Variants in ELAVL2 observed in about 807,000 individuals in gnomAD.
ELAVL2 encodes ELAV like RNA binding protein 2, also known as ELAV-like protein 2.
A neutral mutation model predicts 34.6 loss-of-function variants in ELAVL2; 4 were observed. That is an observed-to-expected ratio of 0.12 (90% confidence interval 0.06 to 0.26). The LOEUF (loss-of-function observed/expected upper bound fraction) is 0.26, where lower values mean the gene tolerates loss of function less well. ELAVL2 is among the 10% of genes least tolerant of loss of function. ELAVL2 has a pLI of 1.00. For missense variants in ELAVL2, 432 were observed against 442.8 expected (o/e 0.98, Z 0.22); for synonymous variants, 193 against 154.8 (o/e 1.25, Z -1.83).
At chr9:23,780,625 A>G (rs2058933437) in intron 1 of ELAVL2, among the ~76,000 whole-genome samples, 1 of 152,168 alleles carries the variant, frequency 6.6e-6, no homozygotes, top group African/African-American at 2.4e-5. Context: ...GTCAAGGTTA[A>G]AGAAATAAGA....
chr9:23,837,991 A>G, the ELAVL2 span, among the ~76,000 whole-genome samples: 1 of 152,164 alleles, frequency 6.6e-6, no homozygotes, highest in Admixed American at 6.6e-5. Flanking sequence ...ATTGTTTTGC[A>G]GTTTAATTAT....
Position 23,796,149 on chromosome 9 carries a change from G to A in ELAVL2, c.-16+29657C>T, listed in dbSNP as rs946569828. Among the ~76,000 whole-genome samples the A allele has an allele frequency of 4.6e-5, 7 of 152,224 alleles. No homozygotes were observed. The South Asian group carries it at 1.5e-3, about 32-fold the overall frequency. ...AAAAGACAAATGATGAACTTTCTAG[G>A]TCCTACTATAAAACACTAGAGTTAG... On this transcript the variant is annotated intron_variant, in intron 1 of 6. Transcript: ENST00000397312.
At chr9:23,816,001 G>A (rs1048904816) in intron 1 of ELAVL2, among the ~76,000 whole-genome samples, 2 of 152,092 alleles carry the variant, frequency 1.3e-5, no homozygotes, top group African/African-American at 4.8e-5. Context: ...GTTCTCACTA[G>A]TATAAGAAGA....
At chr9:23,823,740 T>G (rs1185328951) in intron 1 of ELAVL2, among the ~76,000 whole-genome samples, 1 of 152,200 alleles carries the variant, frequency 6.6e-6, no homozygotes, top group Non-Finnish European at 1.5e-5. Flanking sequence ...TTCCTACCCT[T>G]CTGTTCCCCA....
intron 1 of ELAVL2, among the ~76,000 whole-genome samples, chr9:23,812,816 T>C (rs2063187420): frequency 6.6e-6 from 1 of 150,874 alleles, no homozygotes; most frequent in Admixed American, 6.6e-5. Flanking sequence ...AACATTAAGC[T>C]ATTATTCTGA....
chr9:23,806,365 G>A (rs1190141997), intron 1 of ELAVL2, among the ~76,000 whole-genome samples: 2 of 152,092 alleles, frequency 1.3e-5, no homozygotes, highest in Admixed American at 6.6e-5. Flanking sequence ...GCCAGGTGAG[G>A]TGGCTCAGGT....
rs559281491 is a variant in ELAVL2, at chr9:23,780,837, T to C, written c.-15-18588A>G. ...AAAAAGGGCAAGTCACAACACTATG[T>C]AGCATTCAGGAAATTTGGAGCAAAT... On this transcript the variant is annotated intron_variant, in intron 1 of 6. Coordinates refer to ENST00000397312, the MANE Select transcript of ELAVL2 (RefSeq NM_004432.5). Among the ~76,000 whole-genome samples the C allele has an allele frequency of 3.3e-5, 5 of 152,318 alleles. No homozygotes were observed. In the East Asian group the frequency reaches 7.7e-4, roughly 24 times the overall value.
At chr9:23,749,022 T>C (rs187123361) in intron 2 of ELAVL2, among the ~76,000 whole-genome samples, 34 of 152,200 alleles carry the variant, frequency 2.2e-4, no homozygotes, top group Admixed American at 4.6e-4. Context: ...ACAGAGTTTC[T>C]ATCTGGGATG....
chr9:23,841,899 T>C, the ELAVL2 span, among the ~76,000 whole-genome samples: 1 of 152,186 alleles, frequency 6.6e-6, no homozygotes, highest in African/African-American at 2.4e-5. Flanking sequence ...CAGGAACATA[T>C]TTCCTTTTTT....
the ELAVL2 span, among the ~76,000 whole-genome samples, chr9:23,836,757 T>C: frequency 6.6e-6 from 1 of 152,178 alleles, no homozygotes; most frequent in South Asian, 2.1e-4. Context: ...TACCAGCCTG[T>C]CTATAATAGA....
chr9:23,838,747 T>A, the ELAVL2 span, among the ~76,000 whole-genome samples: 12 of 152,156 alleles, frequency 7.9e-5, no homozygotes, highest in Non-Finnish European at 1.2e-4. Context: ...ATAAAATGAA[T>A]CTTCATTCCC....
At chr9:23,786,781 C>CAAAAAA (rs57292061) in intron 1 of ELAVL2, among the ~76,000 whole-genome samples, 4 of 108,118 alleles carry the variant, frequency 3.7e-5, no homozygotes, top group Non-Finnish European at 5.7e-5. Context: ...ATTTTAGTGG[C>CAAAAAA]AAAAAAAAAA....
At chr9:23,757,229 A>G (rs569319240) in intron 2 of ELAVL2, among the ~76,000 whole-genome samples, 1 of 152,112 alleles carries the variant, frequency 6.6e-6, no homozygotes, top group East Asian at 1.9e-4. Flanking sequence ...GAGAAGACAC[A>G]CTCGCCAGAA....
intron 2 of ELAVL2, among the ~76,000 whole-genome samples, chr9:23,744,406 A>G (rs2050016624): frequency 7.9e-5 from 12 of 152,126 alleles, no homozygotes; most frequent in Non-Finnish European, 1.5e-5. Flanking sequence ...GAGTTTTCCT[A>G]TTTTGTTGCT....
At chr9:23,794,308 A>C (rs2060653848) in intron 1 of ELAVL2, among the ~76,000 whole-genome samples, 1 of 152,172 alleles carries the variant, frequency 6.6e-6, no homozygotes, top group South Asian at 2.1e-4. Flanking sequence ...CTTTCCTAGA[A>C]CACTGAGTGC....
At chr9:23,751,830 C>G (rs2052130667) in intron 2 of ELAVL2, among the ~76,000 whole-genome samples, 1 of 152,124 alleles carries the variant, frequency 6.6e-6, no homozygotes, top group South Asian at 2.1e-4. Context: ...CACACAATAC[C>G]ACATAGAGCA....
At chr9:23,730,964 A>C in intron 3 of ELAVL2, 58 bp downstream of exon 3, 1 of 1,484,670 alleles carries the variant, frequency 6.7e-7, no homozygotes, top group Non-Finnish European at 9.2e-7. Flanking sequence ...CTACAAATAA[A>C]TCTTAATTTT....
At chr9:23,825,607 C>T (rs2065251721) in intron 1 of ELAVL2, among the ~76,000 whole-genome samples, 199 bp downstream of exon 1, 2 of 152,208 alleles carry the variant, frequency 1.3e-5, no homozygotes, top group South Asian at 4.1e-4. Context: ...TGGACATTTA[C>T]GAATATTCAG....
intron 1 of ELAVL2, among the ~76,000 whole-genome samples, chr9:23,768,401 T>G (rs934434487): frequency 5.3e-5 from 8 of 150,708 alleles, no homozygotes; most frequent in Non-Finnish European, 1.0e-4. Context: ...AATTGGAGAC[T>G]GAAAGAGCAA....
Sources: gnomAD v4.1 joint callset for allele counts (sites outside exome capture counted in the v4.1 genomes callset) on GRCh38, gnomAD v4.1.1 for gene constraint, MANE v1.5 for transcripts, NCBI Gene and HGNC (gene_info 2026-07-23, HGNC 2026-07-21) for gene names.